The following S100Z variants were observed in gnomAD, a reference collection of about 807,000 sequenced individuals.
The protein encoded by S100Z is S100 calcium binding protein Z, also known as protein S100-Z.
Under a neutral mutation model 8.5 loss-of-function variants are expected in S100Z, and 11 were observed. The ratio of observed to expected loss-of-function variants is 1.30; its 90% CI spans 0.82 to 2.15. S100Z has a LOEUF of 2.15. S100Z is among the 30% of genes most tolerant of loss of function. The pLI, the probability that S100Z is intolerant of heterozygous loss-of-function variation, is 0.00. For synonymous variants in S100Z, 34 were observed against 43.8 expected, an observed-to-expected ratio of 0.78 and a Z score of 0.89; for missense variants, 126 against 117.9, an observed-to-expected ratio of 1.07 and a Z score of -0.32.
chr5:76,885,515 C>A (rs77870614), intron 4 of S100Z, among the ~76,000 whole-genome samples: 6 of 100,702 alleles, frequency 6.0e-5, no homozygotes, highest in Admixed American at 1.0e-4. Flanking sequence ...TTGGGAGGTG[C>A]TTGTCCCCCA....
At chr5:76,910,580 C>T (rs528033674) in intron 4 of S100Z, among the ~76,000 whole-genome samples, 14 of 152,276 alleles carry the variant, frequency 9.2e-5, no homozygotes, top group Admixed American at 5.2e-4. Flanking sequence ...GCTGCCCCCT[C>T]GTTCATGTCC....
At chr5:76,915,527 G>A (rs912485849) in intron 4 of S100Z, among the ~76,000 whole-genome samples, 1 of 149,426 alleles carries the variant, frequency 6.7e-6, no homozygotes, top group Non-Finnish European at 1.5e-5. Context: ...AGAATGGCGT[G>A]AACCCGGGAG....
rs758951973 is a variant in S100Z, at chr5:76,860,635, T to C, written c.-175-9531T>C. On this transcript the variant is annotated intron_variant, in intron 1 of 4. Transcript: ENST00000317593. Reference sequence around the variant, plus strand: ...GCTGAGGAGGGACAGGGTAATGCTTTGTGATGTGAGGTGATGCTTCGGAAT... The same window carrying C: ...GCTGAGGAGGGACAGGGTAATGCTTCGTGATGTGAGGTGATGCTTCGGAAT... 9.2e-5 allele frequency among the ~76,000 whole-genome samples: 14 copies of C among 152,168 alleles called. 1 individual carries two copies. The highest frequency in any genetic ancestry group is 5.9e-4 in the Admixed American group (9 of 15,270).
chr5:76,901,248 C>A (rs1181727854), intron 4 of S100Z, among the ~76,000 whole-genome samples: 2 of 152,218 alleles, frequency 1.3e-5, no homozygotes, highest in Non-Finnish European at 2.9e-5. Flanking sequence ...TATGTTCACT[C>A]AAGGCCCTGG....
At chr5:76,851,265 T>G (rs1039183777) in intron 1 of S100Z, among the ~76,000 whole-genome samples, 2 of 152,068 alleles carry the variant, frequency 1.3e-5, no homozygotes, top group Non-Finnish European at 2.9e-5. Flanking sequence ...GTGGGCACAC[T>G]GCGGGGAGTT....
chr5:76,888,263 A>G (rs1304333675), intron 4 of S100Z, among the ~76,000 whole-genome samples: 1 of 151,464 alleles, frequency 6.6e-6, no homozygotes, highest in African/African-American at 2.4e-5. Flanking sequence ...TCTCAAAAAA[A>G]AGAAAAAAAA....
intron 4 of S100Z, among the ~76,000 whole-genome samples, chr5:76,913,118 A>G (rs1453434721): frequency 6.6e-6 from 1 of 152,232 alleles, no homozygotes; most frequent in Non-Finnish European, 1.5e-5. Flanking sequence ...GTAACCCTAT[A>G]ACACTCCAAT....
chr5:76,943,769 T>TGAG, the S100Z span, among the ~76,000 whole-genome samples: 97,902 of 151,250 alleles, frequency 0.65, 31,868 homozygotes, highest in South Asian at 0.76. Flanking sequence ...ACCTTAGAGA[T>TGAG]GAGAATGACC....
downstream of S100Z, among the ~76,000 whole-genome samples, chr5:76,922,644 C>A (rs1168133118): frequency 1.3e-5 from 2 of 152,206 alleles, no homozygotes; most frequent in Non-Finnish European, 2.9e-5. Context: ...CTGCCTCAGC[C>A]TCCCGAGTAG....
intron 4 of S100Z, among the ~76,000 whole-genome samples, chr5:76,879,977 C>G (rs910282786): frequency 6.6e-6 from 1 of 152,094 alleles, no homozygotes; most frequent in Non-Finnish European, 1.5e-5. Context: ...CACCTGGGTG[C>G]AGGTGGGCTG....
intron 4 of S100Z, among the ~76,000 whole-genome samples, chr5:76,882,072 G>C (rs150066692): frequency 0.013 from 1,908 of 152,320 alleles, 34 homozygotes; most frequent in African/African-American, 0.043. Context: ...CTTTGCAAGA[G>C]TGAGGGCTTG....
chr5:76,901,649 C>T (rs1363921682), intron 4 of S100Z, among the ~76,000 whole-genome samples: 1 of 151,992 alleles, frequency 6.6e-6, no homozygotes, highest in Admixed American at 6.6e-5. Context: ...GGGGAGGGTC[C>T]AGGAATGCTG....
chr5:76,863,282 G>A (rs1251149678), intron 1 of S100Z, among the ~76,000 whole-genome samples: 1 of 152,176 alleles, frequency 6.6e-6, no homozygotes, highest in Non-Finnish European at 1.5e-5. Context: ...GGTAAAACAT[G>A]CACACCAGTG....
chr5:76,882,892 A>G (rs1743462944), intron 4 of S100Z, among the ~76,000 whole-genome samples: 2 of 152,056 alleles, frequency 1.3e-5, no homozygotes, highest in South Asian at 4.1e-4. Context: ...GGGGTTATGG[A>G]GGGGTTGTGG....
the S100Z span, among the ~76,000 whole-genome samples, chr5:76,938,048 C>T: frequency 0.011 from 1,677 of 151,638 alleles, 18 homozygotes; most frequent in Admixed American, 0.026. Context: ...GAGCCGAGAT[C>T]GCGCCACTGC....
At chr5:76,931,540 C>T in the S100Z span, among the ~76,000 whole-genome samples, 6 of 152,286 alleles carry the variant, frequency 3.9e-5, no homozygotes, top group South Asian at 1.0e-3. Flanking sequence ...ATTAGGGCTC[C>T]AGCCTGTGAA....
intron 1 of S100Z, among the ~76,000 whole-genome samples, chr5:76,855,324 A>G (rs1481155397): frequency 6.6e-6 from 1 of 152,172 alleles, no homozygotes; most frequent in Admixed American, 6.5e-5. Flanking sequence ...GTGCTTGGAA[A>G]AGCTGCAGGC....
At chr5:76,880,490 G>A (rs1743368309) in intron 4 of S100Z, among the ~76,000 whole-genome samples, 1 of 152,204 alleles carries the variant, frequency 6.6e-6, no homozygotes, top group Non-Finnish European at 1.5e-5. Context: ...TAGAGTGGGT[G>A]AGATTAAGCT....
intron 4 of S100Z, among the ~76,000 whole-genome samples, chr5:76,908,898 C>T (rs1006212715): frequency 4.6e-5 from 7 of 152,098 alleles, no homozygotes; most frequent in Admixed American, 3.3e-4. Flanking sequence ...CCACTAAATC[C>T]GATTTTTCTC....
Sources: gnomAD v4.1 joint callset for allele counts (sites outside exome capture counted in the v4.1 genomes callset) on GRCh38, gnomAD v4.1.1 for gene constraint, MANE v1.5 for transcripts, NCBI Gene and HGNC (gene_info 2026-07-23, HGNC 2026-07-21) for gene names.